Variants in SLC2A12 observed in about 807,000 individuals in gnomAD.
SLC2A12 encodes solute carrier family 2, facilitated glucose transporter member 12.
A neutral mutation model predicts 41.8 loss-of-function variants in SLC2A12; 23 were observed. That is an observed-to-expected ratio of 0.55 (90% CI 0.40 to 0.78). The LOEUF (loss-of-function observed/expected upper bound fraction) is 0.78. Among genes scored for constraint, SLC2A12 ranks in the 30% least tolerant of loss-of-function variants. The pLI, the probability that SLC2A12 is intolerant of heterozygous loss-of-function variation, is 0.00. For missense variants in SLC2A12, 654 were observed against 745.6 expected, an observed-to-expected ratio of 0.88 and a Z score of 1.43; for synonymous variants, 295 against 285.9, an observed-to-expected ratio of 1.03 and a Z score of -0.32.
intron 1 of SLC2A12, among the ~76,000 whole-genome samples, chr6:134,036,145 A>C (rs572657050): frequency 1.3e-5 from 2 of 152,200 alleles, no homozygotes; most frequent in Non-Finnish European, 2.9e-5. Flanking sequence ...GCCAGCTGAA[A>C]AGCATGCACA....
At chr6:134,044,275 C>G (rs1307069781) in intron 1 of SLC2A12, among the ~76,000 whole-genome samples, 1 of 152,220 alleles carries the variant, frequency 6.6e-6, no homozygotes, top group African/African-American at 2.4e-5. Flanking sequence ...TAAGCACCTG[C>G]ACTGTGAGGA....
intron 3 of SLC2A12, among the ~76,000 whole-genome samples, chr6:134,002,574 T>A (rs1006026648): frequency 1.3e-5 from 2 of 152,196 alleles, no homozygotes; most frequent in African/African-American, 4.8e-5. Context: ...TGGACAATTT[T>A]TTCCCCCTCT....
At chr6:134,030,436 G>C (rs552940490) in intron 1 of SLC2A12, among the ~76,000 whole-genome samples, 1 of 152,252 alleles carries the variant, frequency 6.6e-6, no homozygotes, top group East Asian at 1.9e-4. Context: ...AGGAGAAAGG[G>C]GGATGGAACA....
At chr6:134,015,040 T>C (rs1776937228) in intron 2 of SLC2A12, among the ~76,000 whole-genome samples, 1 of 152,246 alleles carries the variant, frequency 6.6e-6, no homozygotes, top group African/African-American at 2.4e-5. Context: ...TTCCATATAA[T>C]AATTCACCAT....
At chr6:134,047,929 T>C (rs1390718025) in intron 1 of SLC2A12, among the ~76,000 whole-genome samples, 2 of 152,218 alleles carry the variant, frequency 1.3e-5, no homozygotes, top group African/African-American at 4.8e-5. Context: ...CTGCAGCGTG[T>C]GTCTGCTGCT....
intron 2 of SLC2A12, among the ~76,000 whole-genome samples, chr6:134,027,499 A>T (rs1777129442): frequency 6.6e-6 from 1 of 152,158 alleles, no homozygotes; most frequent in Non-Finnish European, 1.5e-5. Context: ...AAGGAGAGGA[A>T]TAAAAGAGAA....
At chr6:134,038,949 C>A (rs1416036262) in intron 1 of SLC2A12, among the ~76,000 whole-genome samples, 3 of 151,968 alleles carry the variant, frequency 2.0e-5, no homozygotes, top group Non-Finnish European at 4.4e-5. Flanking sequence ...TGGTGATCCA[C>A]CCACCTCGGC....
At chr6:134,014,545 G>C (rs946447889) in intron 2 of SLC2A12, among the ~76,000 whole-genome samples, 1 of 152,130 alleles carries the variant, frequency 6.6e-6, no homozygotes, top group Admixed American at 6.5e-5. Flanking sequence ...ATTTGATGTT[G>C]TACATTTTTC....
intron 3 of SLC2A12, among the ~76,000 whole-genome samples, chr6:134,005,225 CACAA>C (rs1190546864): frequency 6.6e-6 from 1 of 152,122 alleles, no homozygotes; most frequent in East Asian, 1.9e-4. Context: ...GAATGGAACA[CACAA>C]ACAGCCATTT....
chr6:134,028,675 G>T lies in SLC2A12; in HGVS notation c.1150C>A (p.Gln384Lys), dbSNP rs755715874. Residue 384 changes from glutamine (Q) to lysine (K), a missense_variant, in exon 2 of 5, where the codon CAG becomes AAG. By Grantham distance (53) the Gln-to-Lys change is moderately conservative. Transcript: ENST00000275230. ...TAAATCACAGACTCATCCAAGGACT[G>T]GTTGATAGAATTGTGGCTTCTGCAG... ...HICRSHNSIN[Q>K]SLDESVIYGP... 8 of 1,614,210 alleles carry T rather than the reference G, an allele frequency of 5.0e-6. No individual in the cohort carries two copies. In the South Asian group the frequency reaches 8.8e-5, roughly 18 times the overall value.
chr6:134,040,058 GT>G (rs11371413), intron 1 of SLC2A12, among the ~76,000 whole-genome samples: 140 of 139,324 alleles, frequency 1.0e-3, no homozygotes, highest in Middle Eastern at 3.8e-3. Context: ...GTTGTTTTTT[GT>G]TTTTTTTTTT....
rs1268418718 is a variant in SLC2A12 at position 134,028,592 on chromosome 6, A to C, written c.1233T>G (p.Ile411Met). The C allele has an allele frequency of 6.2e-7, 1 of 1,614,200 alleles. No individual in the cohort carries two copies. Among genetic ancestry groups the C allele is most frequent in the Admixed American group, 1.7e-5 (1 of 60,020 alleles). The part of the protein sequence containing the change: ...NNTLRDHFKG[I>M]SSHSRSSLMP... The stretch of plus-strand genomic sequence containing the variant: ...TGAGTGAGCTTCTGCTATGGGAAGA[A>C]ATCCCTTTGAAGTGGTCTCTGAGAG... Residue 411 changes from isoleucine (I) to methionine (M), a missense_variant, in exon 2 of 5, where the codon ATT becomes ATG. Transcript: ENST00000275230.
At chr6:134,022,988 C>T (rs1777065481) in intron 2 of SLC2A12, among the ~76,000 whole-genome samples, 1 of 152,204 alleles carries the variant, frequency 6.6e-6, no homozygotes, top group Admixed American at 6.5e-5. Context: ...CTGTAACAAA[C>T]TCATGTTACC....
At chr6:134,050,692 CT>C in intron 1 of SLC2A12, among the ~76,000 whole-genome samples, 1 of 152,194 alleles carries the variant, frequency 6.6e-6, no homozygotes, top group East Asian at 1.9e-4. Context: ...TTAGTGAGCC[CT>C]TTTGTTAACA....
At chr6:134,027,487 G>A (rs1001018409) in intron 2 of SLC2A12, among the ~76,000 whole-genome samples, 1 of 152,146 alleles carries the variant, frequency 6.6e-6, no homozygotes, top group African/African-American at 2.4e-5. Context: ...GAAAGAGAAA[G>A]GAAGGAGAGG....
chr6:133,993,105 C>G (rs1208845420), intron 4 of SLC2A12, among the ~76,000 whole-genome samples: 1 of 152,098 alleles, frequency 6.6e-6, no homozygotes, highest in Admixed American at 6.5e-5. Flanking sequence ...TTTTCAGTCC[C>G]TTTTAACACT....
chr6:134,030,891 C>T (rs532720929), intron 1 of SLC2A12, among the ~76,000 whole-genome samples: 1 of 152,142 alleles, frequency 6.6e-6, no homozygotes, highest in East Asian at 1.9e-4. Context: ...AGGGCATTGA[C>T]GCTATAGGTT....
chr6:134,032,976 C>T (rs1777243396), intron 1 of SLC2A12, among the ~76,000 whole-genome samples: 1 of 150,972 alleles, frequency 6.6e-6, no homozygotes, highest in Non-Finnish European at 1.5e-5. Flanking sequence ...AAAAAAGCAA[C>T]AGAGGGAAGA....
chr6:134,027,250 T>C lies in SLC2A12; in HGVS notation c.1444+1131A>G, dbSNP rs17224464. Reference sequence around the variant, plus strand: ...TAATAGTTAATGAGTTAGCAGTGGATGACTAAAGCAAGCCCCTACATGGCC... The same window carrying C: ...TAATAGTTAATGAGTTAGCAGTGGACGACTAAAGCAAGCCCCTACATGGCC... On this transcript the variant is annotated intron_variant, in intron 2 of 4. Transcript: ENST00000275230. Among the ~76,000 whole-genome samples the C allele has an allele frequency of 9.9e-3, 1,505 of 152,364 alleles. 10 individuals carry two copies. The highest frequency in any genetic ancestry group is 0.027 in the Middle Eastern group (8 of 294).
Sources: gnomAD v4.1 joint callset for allele counts (sites outside exome capture counted in the v4.1 genomes callset) on GRCh38, gnomAD v4.1.1 for gene constraint, MANE v1.5 for transcripts, NCBI Gene and HGNC (gene_info 2026-07-23, HGNC 2026-07-21) for gene names.